The following CRPPA variants were observed in gnomAD, a reference collection of about 807,000 sequenced individuals.
CRPPA encodes CDP-L-ribitol pyrophosphorylase A, also known as D-ribitol-5-phosphate cytidylyltransferase.
In CRPPA, 43 loss-of-function variants were observed where a neutral mutation model predicts 52.0. That is an observed-to-expected ratio of 0.83 (90% CI 0.65 to 1.07). The LOEUF is 1.07. Among genes scored for constraint, CRPPA ranks in the 50% least tolerant of loss-of-function variants. The pLI is 0.00. For missense variants in CRPPA, 629 were observed against 551.7 expected, an observed-to-expected ratio of 1.14 and a Z score of -1.40; for synonymous variants, 250 against 203.5, an observed-to-expected ratio of 1.23 and a Z score of -1.94.
intron 9 of CRPPA, among the ~76,000 whole-genome samples, chr7:16,136,615 A>T (rs1306941548): frequency 6.6e-6 from 1 of 151,076 alleles, no homozygotes; most frequent in South Asian, 2.1e-4. Context: ...AATATCACAC[A>T]TTCTTAAGGA....
At chr7:16,091,869 C>T in intron 9 of CRPPA, 70 bp from the exon 10 acceptor site, 1 of 932,146 alleles carries the variant, frequency 1.1e-6, no homozygotes, top group Non-Finnish European at 1.5e-6. Flanking sequence ...TGATAAAAAG[C>T]CACTTTTCAA....
At chr7:16,338,054 T>C (rs4349896) in intron 3 of CRPPA, among the ~76,000 whole-genome samples, 24,533 of 152,076 alleles carry the variant, frequency 0.16, 2,562 homozygotes, top group South Asian at 0.42. Context: ...AAAACAAAGT[T>C]ACAGGCTAAT....
chr7:16,354,508 C>A (rs530828449), intron 3 of CRPPA, among the ~76,000 whole-genome samples: 193 of 152,130 alleles, frequency 1.3e-3, no homozygotes, highest in African/African-American at 4.4e-3. Context: ...ACAGACTGCA[C>A]AAAATGATGT....
intron 5 of CRPPA, among the ~76,000 whole-genome samples, chr7:16,283,371 C>A (rs957211145): frequency 3.3e-5 from 5 of 149,934 alleles, no homozygotes; most frequent in Non-Finnish European, 7.4e-5. Context: ...TTAAAAGATA[C>A]AAGAACACAA....
chr7:16,267,696 G>T (rs1407489467), intron 6 of CRPPA, among the ~76,000 whole-genome samples: 1 of 151,982 alleles, frequency 6.6e-6, no homozygotes, highest in African/African-American at 2.4e-5. Context: ...AGTTTACAAC[G>T]TAATTTAATT....
chr7:16,304,403 T>C (rs1222505326), intron 4 of CRPPA, among the ~76,000 whole-genome samples: 2 of 152,182 alleles, frequency 1.3e-5, no homozygotes, highest in Non-Finnish European at 2.9e-5. Context: ...GTTTACCTTT[T>C]ACTTTTACCA....
At chr7:16,351,846 A>C (rs1404770883) in intron 3 of CRPPA, among the ~76,000 whole-genome samples, 1 of 152,166 alleles carries the variant, frequency 6.6e-6, no homozygotes, top group African/African-American at 2.4e-5. Context: ...ATTGTGGAAG[A>C]CAGTGTGGCA....
intron 3 of CRPPA, among the ~76,000 whole-genome samples, chr7:16,318,514 G>C (rs114181265): frequency 0.028 from 4,231 of 152,094 alleles, 223 homozygotes; most frequent in African/African-American, 0.097. Context: ...TAACAAATAT[G>C]TACAAAAAAA....
chr7:16,108,143 G>T (rs7801576), intron 9 of CRPPA, among the ~76,000 whole-genome samples: 49,685 of 151,742 alleles, frequency 0.33, 9,508 homozygotes, highest in South Asian at 0.53. Flanking sequence ...ATCAATAATT[G>T]CCAAGAACAT....
Position 16,286,156 on chromosome 7 carries a change from C to G in CRPPA, c.836-7930G>C, listed in dbSNP as rs1457906167. 2.2e-5 allele frequency among the ~76,000 whole-genome samples: 3 copies of G among 135,312 alleles called. No homozygotes were observed. In the East Asian group the frequency reaches 6.4e-4, roughly 29 times the overall value. The allele number at this position is 135,312 out of a possible 152,430, so 88.8% of individuals were successfully genotyped here. A position where few individuals can be genotyped will look rare whatever the true frequency, so the allele number is the denominator to read the frequency against. On this transcript the variant is annotated intron_variant, in intron 5 of 9. Transcript: ENST00000407010. ...AATGTACAACTTAATTTTCCTGGCTCTGATGGTTAATTTGTGTATCAACTT... is the reference window on the plus strand; with the variant it reads ...AATGTACAACTTAATTTTCCTGGCTGTGATGGTTAATTTGTGTATCAACTT...
chr7:16,372,295 G>A (rs1208589228), intron 3 of CRPPA, among the ~76,000 whole-genome samples: 1 of 152,154 alleles, frequency 6.6e-6, no homozygotes, highest in Non-Finnish European at 1.5e-5. Context: ...AGAGCTATGA[G>A]AGAAAAGCAT....
At chr7:16,409,768 C>T (rs569891297) in intron 1 of CRPPA, among the ~76,000 whole-genome samples, 1 of 152,260 alleles carries the variant, frequency 6.6e-6, no homozygotes, top group Non-Finnish European at 1.5e-5. Flanking sequence ...TTTTTCTATA[C>T]TACCATCTTA....
chr7:16,130,001 G>A (rs1467279000), intron 9 of CRPPA, among the ~76,000 whole-genome samples: 6 of 152,006 alleles, frequency 3.9e-5, no homozygotes, highest in East Asian at 3.9e-4. Context: ...AATAACTATC[G>A]AATTTTTTAA....
At chr7:16,248,255 C>G (rs760015275) in intron 8 of CRPPA, among the ~76,000 whole-genome samples, 3 of 152,172 alleles carry the variant, frequency 2.0e-5, no homozygotes, top group African/African-American at 4.8e-5. Context: ...GGAGGGATCA[C>G]TTGAGCCCAA....
intron 9 of CRPPA, among the ~76,000 whole-genome samples, chr7:16,143,852 TCACAACAAAAAC>T (rs1782920640): frequency 6.6e-6 from 1 of 151,978 alleles, no homozygotes; most frequent in Non-Finnish European, 1.5e-5. Context: ...ACTACATTGG[TCACAACAAAAAC>T]AACAACAAAA....
intron 3 of CRPPA, among the ~76,000 whole-genome samples, chr7:16,355,269 C>T (rs979984953): frequency 6.6e-6 from 1 of 152,156 alleles, no homozygotes; most frequent in African/African-American, 2.4e-5. Flanking sequence ...TGAGTGGATA[C>T]TCAATGAACT....
chr7:16,413,091 T>C (rs1322257302), intron 1 of CRPPA, among the ~76,000 whole-genome samples: 1 of 152,188 alleles, frequency 6.6e-6, no homozygotes, highest in East Asian at 1.9e-4. Flanking sequence ...CTCATTTCCA[T>C]GGCAGCCTTC....
chr7:16,204,242 T>A (rs1365562849), intron 9 of CRPPA, among the ~76,000 whole-genome samples: 2 of 152,162 alleles, frequency 1.3e-5, no homozygotes, highest in African/African-American at 4.8e-5. Context: ...GAAAACTATA[T>A]GACAATTGAA....
intron 3 of CRPPA, among the ~76,000 whole-genome samples, chr7:16,325,762 T>C (rs1451133830): frequency 6.6e-6 from 1 of 152,232 alleles, no homozygotes; most frequent in South Asian, 2.1e-4. Flanking sequence ...TCTTGTGATA[T>C]GCATAATGGT....
Sources: gnomAD v4.1 joint callset for allele counts (sites outside exome capture counted in the v4.1 genomes callset) on GRCh38, gnomAD v4.1.1 for gene constraint, MANE v1.5 for transcripts, NCBI Gene and HGNC (gene_info 2026-07-23, HGNC 2026-07-21) for gene names.